The following EHBP1L1 variants were observed in gnomAD, a reference collection of about 807,000 sequenced individuals.
EHBP1L1 encodes the protein EH domain-binding protein 1-like protein 1.
A neutral mutation model predicts 151.1 loss-of-function variants in EHBP1L1; 122 were observed. The observed-to-expected ratio is 0.81, with a 90% confidence interval of 0.70 to 0.94. The LOEUF (loss-of-function observed/expected upper bound fraction) is 0.94, where lower values mean the gene tolerates loss of function less well. Ranked by LOEUF, EHBP1L1 falls within the 40% of genes least tolerant of loss-of-function variation. The pLI, the probability that EHBP1L1 is intolerant of heterozygous loss-of-function variation, is 0.00. For synonymous variants in EHBP1L1, 878 were observed against 810.1 expected, an observed-to-expected ratio of 1.08 and a Z score of -1.42; for missense variants, 1,941 against 1,959.8, an observed-to-expected ratio of 0.99 and a Z score of 0.18.
chr11:65,587,230 G>A (rs746530598), intron 12 of EHBP1L1, among the ~76,000 whole-genome samples: 5 of 152,242 alleles, frequency 3.3e-5, no homozygotes, highest in Admixed American at 1.3e-4. Flanking sequence ...AAAATTAGCC[G>A]GGCATGGTGG....
At chr11:65,580,546 C>T in intron 6 of EHBP1L1, 67 bp downstream of exon 6, 1 of 1,563,864 alleles carries the variant, frequency 6.4e-7, no homozygotes, top group Non-Finnish European at 8.6e-7. Context: ...CCCGGGCCAC[C>T]AGCCACTTGC....
rs1857527549 is a variant in EHBP1L1, at chr11:65,580,160, T to A, written c.392T>A (p.Val131Asp). The change falls in exon 5 of 19, where the codon GTC becomes GAC. Residue 131 changes from valine (V) to aspartate (D), a missense_variant. By Grantham distance (152) the Val-to-Asp change is radical. Coordinates refer to ENST00000309295, the MANE Select transcript of EHBP1L1 (RefSeq NM_001099409.3). ...CATGCAGGGCCCGTGCCTGTCCAAGTCCCAGTGAGGCTGCGGCTGAAGCCA... is the reference window on the plus strand; with the variant it reads ...CATGCAGGGCCCGTGCCTGTCCAAGACCCAGTGAGGCTGCGGCTGAAGCCA... ...ARHAGPVPVQ[V>D]PVRLRLKPKS... 5.6e-6 allele frequency: 9 copies of A among 1,613,542 alleles called. No homozygotes were observed. The highest frequency in any genetic ancestry group is 3.3e-4 in the Middle Eastern group (2 of 6,084).
At position 65,579,415 on chromosome 11, in the gene EHBP1L1, C is replaced by G. The variant is rs189053067; in HGVS notation, c.237C>G (p.Asp79Glu). The change falls in exon 3 of 19, where the codon GAC becomes GAG. Residue 79 changes from aspartate to glutamate, a missense_variant. Transcript: ENST00000309295. ...TVVWMVPENV[D>E]ISVTLYRDPH... ...TGTGGATGGTACCTGAGAATGTGGA[C>G]ATCTCTGTGACCCTCTACAGGGTGA... The G allele has an allele frequency of 2.3e-4, 366 of 1,563,666 alleles. No homozygotes were observed. Among genetic ancestry groups the G allele is most frequent in the Middle Eastern group, 5.0e-4 (3 of 5,942 alleles).
intron 3 of EHBP1L1, among the ~76,000 whole-genome samples, 161 bp from the exon 4 acceptor site, chr11:65,579,775 C>T (rs556500913): frequency 2.7e-5 from 4 of 148,780 alleles, no homozygotes; most frequent in South Asian, 2.1e-4. Flanking sequence ...TGCAGTGAGC[C>T]GAGATCGCAC....
Position 65,579,144 on chromosome 11 carries a change from G to A in EHBP1L1, c.162+9G>A, listed in dbSNP as rs1434185279. The A allele has an allele frequency of 2.5e-6, 4 of 1,589,382 alleles. No individual in the cohort carries two copies. The highest frequency in any genetic ancestry group is 1.1e-5 in the South Asian group (1 of 87,150). The stretch of plus-strand genomic sequence containing the variant: ...GACGCATCTGCTCCAAGGTGGGGAA[G>A]GATGGCAACTGGGGATCCAGGTTAG... On this transcript the variant is annotated intron_variant, in intron 2 of 18. Coordinates refer to ENST00000309295, the MANE Select transcript of EHBP1L1 (RefSeq NM_001099409.3).
In EHBP1L1 at chr11:65,583,563, C is replaced by T. The variant is rs761268544; in HGVS notation, c.2891C>T (p.Ser964Phe). Residue 964 changes from serine (S) to phenylalanine (F), a missense_variant, in exon 9 of 19, where the codon TCT becomes TTT. Transcript: ENST00000309295. ...GAAGCAGAGATGAAGGTTTTAGAGT[C>T]TCCAGAGAACAAATCTGGTACTTTT... ...AQEAEMKVLE[S>F]PENKSGTFKA... The T allele has an allele frequency of 8.7e-6, 14 of 1,612,168 alleles. No individual in the cohort carries two copies. Among genetic ancestry groups the T allele is most frequent in the Admixed American group, 8.4e-5 (5 of 59,694 alleles).
Position 65,592,098 on chromosome 11 carries a change from G to T in EHBP1L1, c.4472+8G>T, listed in dbSNP as rs1163558267. 2 of 1,612,372 alleles carry T rather than the reference G, an allele frequency of 1.2e-6. 1 individual carries two copies. Among genetic ancestry groups the T allele is most frequent in the South Asian group, 2.2e-5 (2 of 91,050 alleles). Reference sequence around the variant, plus strand: ...GGACCACAAGGAGCGGATGTGAGTGGCGCTGGGCGGCGCTGGGAGTTGGGA... The same window carrying T: ...GGACCACAAGGAGCGGATGTGAGTGTCGCTGGGCGGCGCTGGGAGTTGGGA... On this transcript the variant is annotated splice_region_variant and intron_variant, in intron 18 of 18. Transcript: ENST00000309295.
intron 2 of EHBP1L1, 91 bp from the exon 3 acceptor site, chr11:65,579,250 G>A: frequency 6.7e-7 from 1 of 1,500,460 alleles, no homozygotes; most frequent in Non-Finnish European, 9.0e-7. Context: ...TCCACAGAGG[G>A]GAGGGGAAGA....
intron 2 of EHBP1L1, 48 bp downstream of exon 2, chr11:65,579,183 T>C: frequency 2.7e-6 from 4 of 1,506,924 alleles, no homozygotes; most frequent in Non-Finnish European, 3.6e-6. Context: ...TGGGGGCCGG[T>C]GGGAGGCTGA....
chr11:65,591,902 C>A, intron 17 of EHBP1L1, 29 bp downstream of exon 17: 1 of 1,605,596 alleles, frequency 6.2e-7, no homozygotes, highest in Non-Finnish European at 8.5e-7. Context: ...GGCCGGGAGG[C>A]AAGACAGAGC....
chr11:65,588,649 TG>T (rs1305977257), intron 12 of EHBP1L1, among the ~76,000 whole-genome samples: 1 of 152,098 alleles, frequency 6.6e-6, no homozygotes, highest in African/African-American at 2.4e-5. Flanking sequence ...GACCCAGATG[TG>T]GGGGGCCAGG....
Position 65,581,688 on chromosome 11 carries a change from G to T in EHBP1L1, c.1016G>T (p.Arg339Met). The change falls in exon 9 of 19, where the codon AGG (arginine) becomes ATG (methionine). Residue 339 changes from arginine (R) to methionine (M), a missense_variant. Physicochemically the swap from Arg to Met is moderately conservative, Grantham distance 91. Transcript: ENST00000309295. ...GAPPAGLGSA[R>M]ETQAQACPQE... Reference sequence around the variant, plus strand: ...CCTCCAGCAGGATTGGGCTCTGCTAGGGAGACCCAGGCCCAGGCATGCCCT... The same window carrying T: ...CCTCCAGCAGGATTGGGCTCTGCTATGGAGACCCAGGCCCAGGCATGCCCT... The T allele has an allele frequency of 6.3e-7, 1 of 1,575,668 alleles. No individual in the cohort carries two copies. Among genetic ancestry groups the T allele is most frequent in the South Asian group, 1.2e-5 (1 of 86,330 alleles).
At position 65,584,325 on chromosome 11, in the gene EHBP1L1, A is replaced by G; in HGVS notation, c.3178A>G (p.Thr1060Ala). Residue 1060 changes from threonine (T) to alanine (A), a missense_variant, in exon 10 of 19, where the codon ACC (threonine) becomes GCC (alanine). Transcript: ENST00000309295. ...CACTGGCTACCGTGGCGTCCGCATC[A>G]CCAACTTCACCACATCCTGGCGCAA... ...VTTGYRGVRI[T>A]NFTTSWRNGL... The G allele has an allele frequency of 6.2e-7, 1 of 1,611,094 alleles. No individual in the cohort carries two copies. The highest frequency in any genetic ancestry group is 8.5e-7 in the Non-Finnish European group (1 of 1,178,366).
chr11:65,576,585 C>G (rs952285834), intron 1 of EHBP1L1, among the ~76,000 whole-genome samples, 179 bp downstream of exon 1: 1 of 152,192 alleles, frequency 6.6e-6, no homozygotes, highest in Admixed American at 6.5e-5. Context: ...TTTGTGGGAC[C>G]CCTGGAGTTG....
chr11:65,580,767 C>A (rs1857557611), intron 6 of EHBP1L1, among the ~76,000 whole-genome samples: 1 of 152,154 alleles, frequency 6.6e-6, no homozygotes, highest in South Asian at 2.1e-4. Flanking sequence ...CCCAGGACAG[C>A]TGGGTCAGAA....
At position 65,582,292 on chromosome 11, in the gene EHBP1L1, C is replaced by T. The variant is rs1280873280; in HGVS notation, c.1620C>T (p.Ser540=). 1 of 1,530,218 alleles carries T rather than the reference C, an allele frequency of 6.5e-7. No individual in the cohort carries two copies. Among genetic ancestry groups the T allele is most frequent in the African/African-American group, 1.4e-5 (1 of 71,910 alleles). 94.8% of individuals were successfully genotyped at this position (1,530,218 alleles called of 1,614,324 possible). A position where few individuals can be genotyped will look rare whatever the true frequency, so the allele number is the denominator to read the frequency against. Residue 540 remains serine (S), a synonymous_variant, in exon 9 of 19, where the codon AGC becomes AGT. Coordinates refer to ENST00000309295, the MANE Select transcript of EHBP1L1 (RefSeq NM_001099409.3). ...TAAGCACCAGGCCCCAGGTGAGCAG[C>T]TGGCAGGGGGCCCTGTTATCAACTG... The part of the protein sequence containing the change: ...GAISTRPQVS[S]WQGALLSTAQ...
rs1857873844 is a variant in EHBP1L1 at position 65,585,072 on chromosome 11, C to T, written c.3414C>T (p.Arg1138=). ...TCATGACGTACCTGTGCCAGATCCG[C>T]GCCTTCTGCACCGGGCAGGAGCTGC... ...LIVMTYLCQI[R]AFCTGQELQL... The change falls in exon 12 of 19, where the codon CGC becomes CGT. Residue 1138 remains arginine (R), a synonymous_variant. Transcript: ENST00000309295. This position sits in a 1 kb window ranked among gnomAD's most constrained non-coding sequence, Gnocchi z 4.0. The T allele has an allele frequency of 6.5e-7, 1 of 1,543,722 alleles. No homozygotes were observed. Among genetic ancestry groups the T allele is most frequent in the African/African-American group, 1.4e-5 (1 of 73,056 alleles).
intron 3 of EHBP1L1, 108 bp from the exon 4 acceptor site, chr11:65,579,826 CAA>C (rs558637567): frequency 5.1e-3 from 4,512 of 886,602 alleles, no homozygotes; most frequent in South Asian, 9.5e-3. Flanking sequence ...GACTCCGTCT[CAA>C]AAAAAAAAAA....
Position 65,585,666 on chromosome 11 carries a change from C to CCCCCAAGGGG in EHBP1L1, c.3933+84_3933+93dup. On this transcript the variant is annotated intron_variant, in intron 12 of 18. Transcript: ENST00000309295. The surrounding 1 kb of genome is among the most constrained non-coding windows in gnomAD (Gnocchi z 4.0). ...GGAAGATGGGCAGAGAACGGGCGAG[C>CCCCCAAGGGG]CCCCAAGGGGCCCCAAGGACAGAGC... is the stretch of plus-strand genomic sequence containing the variant. 5 of 1,513,276 alleles carry CCCCCAAGGGG rather than the reference C, an allele frequency of 3.3e-6. No homozygotes were observed. The highest frequency in any genetic ancestry group is 3.5e-6 in the Non-Finnish European group (4 of 1,133,876). 93.7% of individuals were successfully genotyped at this position (1,513,276 alleles called of 1,614,324 possible).
Sources: allele counts gnomAD v4.1 joint callset (sites outside exome capture counted in the v4.1 genomes callset), GRCh38; gene constraint gnomAD v4.1.1; non-coding constraint Gnocchi (gnomAD v3.1); transcripts MANE v1.5; gene names NCBI Gene and HGNC (gene_info 2026-07-23, HGNC 2026-07-21).